The following TTF1 variants were observed in gnomAD, a reference collection of about 807,000 sequenced individuals.
TTF1 encodes transcription termination factor 1.
A neutral mutation model predicts 80.2 loss-of-function variants in TTF1; 64 were observed. The observed-to-expected ratio is 0.80, with a 90% CI of 0.65 to 0.98. TTF1 has a LOEUF of 0.98. TTF1 is among the 50% of genes least tolerant of loss of function. The probability of loss-of-function intolerance (pLI) is 0.00; values close to 1 mark genes in which losing one functional copy is unlikely to be tolerated. For synonymous variants in TTF1, 372 were observed against 382.7 expected (o/e 0.97, Z 0.33); for missense variants, 1,023 against 1,086.2 (o/e 0.94, Z 0.82).
intron 10 of TTF1, among the ~76,000 whole-genome samples, chr9:132,377,778 TGTGA>T (rs1379166776): frequency 2.3e-5 from 3 of 128,902 alleles, no homozygotes; most frequent in East Asian, 2.5e-4. Context: ...ATGTGGTGTG[TGTGA>T]GTGCATGTGG....
chr9:132,394,219 C>T (rs575569617), intron 5 of TTF1, among the ~76,000 whole-genome samples: 131 of 151,238 alleles, frequency 8.7e-4, no homozygotes, highest in Middle Eastern at 3.6e-3. Context: ...ACAATAACAT[C>T]GGAGCATTTT....
chr9:132,392,874 C>T (rs1036735215), intron 5 of TTF1, among the ~76,000 whole-genome samples: 4 of 152,192 alleles, frequency 2.6e-5, no homozygotes, highest in Admixed American at 2.0e-4. Flanking sequence ...GAACTCAATA[C>T]ATTAAAAATG....
At chr9:132,387,475 C>T (rs1296954679) in intron 8 of TTF1, among the ~76,000 whole-genome samples, 1 of 152,046 alleles carries the variant, frequency 6.6e-6, no homozygotes. Context: ...ATAACCACCC[C>T]CCGATCCACC....
chr9:132,381,909 C>T (rs901581171), intron 9 of TTF1, among the ~76,000 whole-genome samples: 2 of 152,200 alleles, frequency 1.3e-5, no homozygotes, highest in Non-Finnish European at 2.9e-5. Flanking sequence ...GGCGACCTCA[C>T]ACCAGTAGCC....
At chr9:132,401,403 G>C (rs1039273488) in intron 2 of TTF1, 52 bp downstream of exon 2, 2 of 1,533,390 alleles carry the variant, frequency 1.3e-6, no homozygotes, top group Non-Finnish European at 1.8e-6. Context: ...GGTATCGGCA[G>C]AATCCATACG....
At chr9:132,394,948 G>C (rs572970903) in intron 5 of TTF1, among the ~76,000 whole-genome samples, 2 of 149,620 alleles carry the variant, frequency 1.3e-5, no homozygotes, top group African/African-American at 4.9e-5. Flanking sequence ...TCCCAGCACC[G>C]TGGGAGGCTG....
intron 9 of TTF1, among the ~76,000 whole-genome samples, chr9:132,381,609 AC>A (rs1849373561): frequency 6.6e-6 from 1 of 152,038 alleles, no homozygotes; most frequent in South Asian, 2.1e-4. Flanking sequence ...AGCACCTGGC[AC>A]CCTCCCTGCT....
At chr9:132,380,839 G>A (rs12006258) in intron 9 of TTF1, among the ~76,000 whole-genome samples, 2,792 of 152,206 alleles carry the variant, frequency 0.018, 59 homozygotes, top group African/African-American at 0.049. Context: ...TTTGAGATTC[G>A]TAAATCTGAA....
intron 7 of TTF1, among the ~76,000 whole-genome samples, chr9:132,389,809 C>T (rs1026467450): frequency 5.3e-5 from 8 of 152,276 alleles, no homozygotes; most frequent in Middle Eastern, 6.8e-3. Flanking sequence ...GTGGCAGAAG[C>T]AGGACTGAAA....
intron 1 of TTF1, among the ~76,000 whole-genome samples, chr9:132,405,574 A>C (rs1849851340): frequency 6.6e-6 from 1 of 152,156 alleles, no homozygotes; most frequent in Admixed American, 6.5e-5. Context: ...AATACTTCCT[A>C]GGCTGCTCTC....
chr9:132,378,164 TGTG>T (rs1436646467), intron 10 of TTF1, among the ~76,000 whole-genome samples: 11 of 124,518 alleles, frequency 8.8e-5, no homozygotes, highest in African/African-American at 1.2e-4. Flanking sequence ...TGTGAGTGCA[TGTG>T]GTGTGTGTGA....
Position 132,401,469 on chromosome 9 carries a change from C to T in TTF1, c.1353G>A (p.Val451=), listed in dbSNP as rs1451184380. The part of the protein sequence containing the change: ...KTQACLASKH[V]QEAPRLEPAN... ...TCCCTCGTTACCTTGGCGCCTCTTG[C>T]ACGTGCTTGCTTGCCAAACAGGCCT... is the stretch of plus-strand genomic sequence containing the variant. Residue 451 remains valine, a synonymous_variant, in exon 2 of 11, where the codon GTG becomes GTA. Transcript: ENST00000334270. The T allele has an allele frequency of 2.5e-6, 4 of 1,610,346 alleles. No homozygotes were observed. Among genetic ancestry groups the T allele is most frequent in the Non-Finnish European group, 3.4e-6 (4 of 1,177,890 alleles).
rs1230448633 is a variant in TTF1 at position 132,379,091 on chromosome 9, TAGAC to T, written c.2428_2431del (p.Val810MetfsTer25). ...AGTCTTTTTCTGCCAAAATGGAACA[TAGAC>T]AGCTTTCAGCCTAGAAAATTTAGTT... On this transcript the variant is annotated frameshift_variant, in exon 10 of 11. Transcript: ENST00000334270. LOFTEE classifies it low-confidence loss of function (END_TRUNC). 3 of 1,610,442 alleles carry T rather than the reference TAGAC, an allele frequency of 1.9e-6. No homozygotes were observed. The highest frequency in any genetic ancestry group is 2.5e-6 in the Non-Finnish European group (3 of 1,178,902).
chr9:132,382,478 A>T (rs534179001), intron 9 of TTF1, among the ~76,000 whole-genome samples: 2 of 152,304 alleles, frequency 1.3e-5, no homozygotes, highest in South Asian at 4.1e-4. Flanking sequence ...AAACATCAGG[A>T]ATATGCTGTA....
intron 5 of TTF1, among the ~76,000 whole-genome samples, chr9:132,393,338 C>G (rs1335585326): frequency 6.7e-6 from 1 of 150,356 alleles, no homozygotes; most frequent in South Asian, 2.2e-4. Context: ...GGCCCTAATG[C>G]TCACGCTGGA....
At chr9:132,392,412 C>G (rs1849576050) in intron 5 of TTF1, among the ~76,000 whole-genome samples, 1 of 152,192 alleles carries the variant, frequency 6.6e-6, no homozygotes, top group Non-Finnish European at 1.5e-5. Context: ...AGAGGCCTGG[C>G]TCAACTGAAC....
chr9:132,393,448 G>T (rs550501166), intron 5 of TTF1, among the ~76,000 whole-genome samples: 4 of 152,262 alleles, frequency 2.6e-5, no homozygotes, highest in African/African-American at 7.2e-5. Context: ...TAACATGAGC[G>T]ATCTGTGCCA....
intron 1 of TTF1, 141 bp downstream of exon 1, chr9:132,406,649 A>T (rs964946684): frequency 1.3e-5 from 2 of 151,480 alleles, no homozygotes; most frequent in African/African-American, 4.9e-5. Context: ...CCCCGAGATA[A>T]GGCCTGGGGC....
intron 9 of TTF1, among the ~76,000 whole-genome samples, chr9:132,380,525 A>C (rs1057330368): frequency 6.6e-6 from 1 of 152,224 alleles, no homozygotes; most frequent in Non-Finnish European, 1.5e-5. Flanking sequence ...CTGAAACCCC[A>C]GCTCTACGGC....
Sources: gnomAD v4.1 joint callset for allele counts (sites outside exome capture counted in the v4.1 genomes callset) on GRCh38, gnomAD v4.1.1 for gene constraint, MANE v1.5 for transcripts, NCBI Gene and HGNC (gene_info 2026-07-23, HGNC 2026-07-21) for gene names.